The following CCND1 variants were observed in gnomAD, a reference collection of about 807,000 sequenced individuals.
CCND1 encodes the protein G1/S-specific cyclin-D1.
A neutral mutation model predicts 26.1 loss-of-function variants in CCND1; 9 were observed. The observed-to-expected ratio is 0.35, with a 90% CI of 0.21 to 0.60. The LOEUF (loss-of-function observed/expected upper bound fraction) is 0.60, where lower values mean the gene tolerates loss of function less well. Among genes scored for constraint, CCND1 ranks in the 20% least tolerant of loss-of-function variants. The pLI, the probability that CCND1 is intolerant of heterozygous loss-of-function variation, is 0.79. For synonymous variants in CCND1, 194 were observed against 166.1 expected (o/e 1.17, Z -1.29); for missense variants, 335 against 392.9 (o/e 0.85, Z 1.25).
rs1855879972 is a variant in CCND1 at position 69,653,376 on chromosome 11, T to A, written c.*2094T>A. On this transcript the variant is annotated 3_prime_UTR_variant, in exon 5 of 5. Coordinates refer to ENST00000227507, the MANE Select transcript of CCND1 (RefSeq NM_053056.3). The stretch of plus-strand genomic sequence containing the variant: ...GTCATATACTGCCATGTACTAGTTT[T>A]AGTTTTCTCTTAGAACATTGTATTA... 2.9e-6 allele frequency: 2 copies of A among 696,154 alleles called. No individual in the cohort carries two copies. Among genetic ancestry groups the A allele is most frequent in the African/African-American group, 3.5e-5 (2 of 56,690 alleles). The allele number at this position is 696,154 out of a possible 1,614,324, so 43.1% of individuals were successfully genotyped here. A position where few individuals can be genotyped will look rare whatever the true frequency, so the allele number is the denominator to read the frequency against.
chr11:69,650,579 G>A (rs984266373), intron 4 of CCND1, among the ~76,000 whole-genome samples: 1 of 152,226 alleles, frequency 6.6e-6, no homozygotes, highest in Non-Finnish European at 1.5e-5. Flanking sequence ...AGAGGATGGA[G>A]GGGAGGGATC....
intron 3 of CCND1, 46 bp downstream of exon 3, chr11:69,644,037 C>A (rs1350807410): frequency 6.3e-7 from 1 of 1,595,260 alleles, no homozygotes. Context: ...AGAGCCGGCT[C>A]CTTAGGTGAC....
In CCND1 at chr11:69,650,284, C is replaced by G. The variant is rs566844175; in HGVS notation, c.724-834C>G. Reference sequence around the variant, plus strand: ...GAGCCGGTTCTCCATCCAGAAGCCCCCGGGCAGTAAGCAGCCACTTCAGGC... The same window carrying G: ...GAGCCGGTTCTCCATCCAGAAGCCCGCGGGCAGTAAGCAGCCACTTCAGGC... On this transcript the variant is annotated intron_variant, in intron 4 of 4. Transcript: ENST00000227507. Among the ~76,000 whole-genome samples, 6 of 152,374 alleles carry G rather than the reference C, an allele frequency of 3.9e-5. No homozygotes were observed. In the South Asian group the frequency reaches 1.2e-3, roughly 32 times the overall value.
chr11:69,645,132 G>A (rs1490979117), intron 3 of CCND1, among the ~76,000 whole-genome samples: 1 of 152,190 alleles, frequency 6.6e-6, no homozygotes, highest in East Asian at 1.9e-4. Context: ...CCCCAAGGTG[G>A]GCAGATGAAG....
Position 69,653,211 on chromosome 11 carries a change from G to C in CCND1, c.*1929G>C. 1.4e-6 allele frequency: 1 copy of C among 694,932 alleles called. No homozygotes were observed. The highest frequency in any genetic ancestry group is 2.7e-5 in the East Asian group (1 of 36,992). The allele number at this position is 694,932 out of a possible 1,614,324, so 43.0% of individuals were successfully genotyped here. ...GAGGGGAAGGGGCGGTGCCCACACCGGGGACAGGCCGCAGCTCCATTTTCT... is the reference window on the plus strand; with the variant it reads ...GAGGGGAAGGGGCGGTGCCCACACCCGGGACAGGCCGCAGCTCCATTTTCT... On this transcript the variant is annotated 3_prime_UTR_variant, in exon 5 of 5. Transcript: ENST00000227507.
chr11:69,648,679 T>C (rs1399536549), intron 4 of CCND1, among the ~76,000 whole-genome samples: 1 of 150,812 alleles, frequency 6.6e-6, no homozygotes, highest in Non-Finnish European at 1.5e-5. Context: ...CCGAGTCTTT[T>C]CTTAAAGAAA....
At position 69,649,617 on chromosome 11, in the gene CCND1, C is replaced by T. The variant is rs3212884; in HGVS notation, c.723+1475C>T. Among the ~76,000 whole-genome samples the T allele has an allele frequency of 8.3e-3, 1,268 of 152,312 alleles. 22 individuals carry two copies. Among genetic ancestry groups the T allele is most frequent in the African/African-American group, 0.029 (1,192 of 41,568 alleles). The stretch of plus-strand genomic sequence containing the variant: ...GCAGTGCCACACACCAGTGACTTTT[C>T]GCGGAGGAGCGTGCTGCCTTTTTGG... On this transcript the variant is annotated intron_variant, in intron 4 of 4. Coordinates refer to ENST00000227507, the MANE Select transcript of CCND1 (RefSeq NM_053056.3).
Position 69,643,814 on chromosome 11 carries a change from C to A in CCND1, c.415-18C>A, listed in dbSNP as rs1855743850. 6.3e-7 allele frequency: 1 copy of A among 1,595,274 alleles called. No individual in the cohort carries two copies. The highest frequency in any genetic ancestry group is 2.2e-5 in the East Asian group (1 of 44,480). ...TGGCCCGCACCTCCCCTGATGGCCG[C>A]TCACCCTGTGTTCGCAGCAAATGGA... On this transcript the variant is annotated intron_variant, in intron 2 of 4. Transcript: ENST00000227507.
chr11:69,649,273 C>A (rs535591416), intron 4 of CCND1, among the ~76,000 whole-genome samples: 8 of 152,214 alleles, frequency 5.3e-5, no homozygotes, highest in Non-Finnish European at 8.8e-5. Context: ...GAACTCCACG[C>A]CCTGAGTGAA....
In CCND1 at chr11:69,651,341, TG is replaced by T; in HGVS notation, c.*60del. 1 of 1,377,870 alleles carries T rather than the reference TG, an allele frequency of 7.3e-7. No individual in the cohort carries two copies. The highest frequency in any genetic ancestry group is 2.6e-4 in the Middle Eastern group (1 of 3,842). 85.4% of individuals were successfully genotyped at this position (1,377,870 alleles called of 1,614,324 possible). A position where few individuals can be genotyped will look rare whatever the true frequency, so the allele number is the denominator to read the frequency against. On this transcript the variant is annotated 3_prime_UTR_variant, in exon 5 of 5. Coordinates refer to ENST00000227507, the MANE Select transcript of CCND1 (RefSeq NM_053056.3). ...CAGCGAGGGCGGAGCCGGCCCCAGG[TG>T]CTCCCCTGACAGTCCCTCCTCTCCG...
At chr11:69,645,783 A>G (rs926211800) in intron 3 of CCND1, among the ~76,000 whole-genome samples, 2 of 152,190 alleles carry the variant, frequency 1.3e-5, no homozygotes, top group Non-Finnish European at 2.9e-5. Flanking sequence ...CAAAGGTTAC[A>G]TTTAAAGGTG....
chr11:69,644,609 C>T (rs967691455), intron 3 of CCND1, among the ~76,000 whole-genome samples: 2 of 152,186 alleles, frequency 1.3e-5, no homozygotes, highest in Admixed American at 6.5e-5. Context: ...CAGCTTGGGC[C>T]GCCACCGTGG....
At chr11:69,642,890 G>T (rs994793218) in intron 1 of CCND1, 141 bp from the exon 2 acceptor site, 1 of 453,326 alleles carries the variant, frequency 2.2e-6, no homozygotes, top group African/African-American at 2.1e-5. Flanking sequence ...GCGCATCACG[G>T]GAAGCTCCTG....
At chr11:69,648,501 G>A (rs1448415469) in intron 4 of CCND1, among the ~76,000 whole-genome samples, 2 of 152,268 alleles carry the variant, frequency 1.3e-5, no homozygotes, top group Non-Finnish European at 2.9e-5. Context: ...GGGCCACAAT[G>A]TGCGTGGCCA....
intron 2 of CCND1, 105 bp downstream of exon 2, chr11:69,643,351 T>G (rs1852288802): frequency 2.3e-6 from 2 of 863,966 alleles, no homozygotes; most frequent in African/African-American, 1.8e-5. Context: ...CTGACATATC[T>G]GCTCCTCCGA....
Position 69,641,213 on chromosome 11 carries a change from C to A in CCND1, c.-101C>A. 1 of 1,180,160 alleles carries A rather than the reference C, an allele frequency of 8.5e-7. No individual in the cohort carries two copies. The highest frequency in any genetic ancestry group is 1.2e-6 in the Non-Finnish European group (1 of 806,870). The allele number at this position is 1,180,160 out of a possible 1,614,324, so 73.1% of individuals were successfully genotyped here. A position where few individuals can be genotyped will look rare whatever the true frequency, so the allele number is the denominator to read the frequency against. ...AGAGTCCGCACGCTCCGGCGAGGGG[C>A]AGAAGAGCGCGAGGGAGCGCGGGGC... On this transcript the variant is annotated 5_prime_UTR_variant, in exon 1 of 5. Coordinates refer to ENST00000227507, the MANE Select transcript of CCND1 (RefSeq NM_053056.3).
At chr11:69,650,505 C>T (rs1334866482) in intron 4 of CCND1, among the ~76,000 whole-genome samples, 2 of 152,200 alleles carry the variant, frequency 1.3e-5, no homozygotes, top group Non-Finnish European at 2.9e-5. Context: ...CCTCAGTGGC[C>T]GCAGTGGGTG....
chr11:69,643,045 G>C lies in CCND1; in HGVS notation c.213G>C (p.Gln71His), dbSNP rs1855729864. 1.2e-6 allele frequency: 2 copies of C among 1,603,228 alleles called. No individual in the cohort carries two copies. The highest frequency in any genetic ancestry group is 1.7e-6 in the Non-Finnish European group (2 of 1,175,468). The change falls in exon 2 of 5, where the codon CAG becomes CAC. Residue 71 changes from glutamine to histidine, a missense_variant. Gln to His is a conservative substitution (Grantham distance 24). Coordinates refer to ENST00000227507, the MANE Select transcript of CCND1 (RefSeq NM_053056.3). ...ATWMLEVCEE[Q>H]KCEEEVFPLA... ...TGCCTCCGTAGGTCTGCGAGGAACAGAAGTGCGAGGAGGAGGTCTTCCCGC... is the reference window on the plus strand; with the variant it reads ...TGCCTCCGTAGGTCTGCGAGGAACACAAGTGCGAGGAGGAGGTCTTCCCGC...
At chr11:69,646,295 G>A (rs1366275838) in intron 3 of CCND1, among the ~76,000 whole-genome samples, 1 of 152,228 alleles carries the variant, frequency 6.6e-6, no homozygotes, top group Non-Finnish European at 1.5e-5. Context: ...AGGTGGCTCG[G>A]CTCGTTAAGG....
Sources: gnomAD v4.1 joint callset for allele counts (sites outside exome capture counted in the v4.1 genomes callset) on GRCh38, gnomAD v4.1.1 for gene constraint, MANE v1.5 for transcripts, NCBI Gene and HGNC (gene_info 2026-07-23, HGNC 2026-07-21) for gene names.